Variants in MRC1 observed in about 807,000 individuals in gnomAD.
MRC1 encodes the protein mannose receptor C-type 1, also known as macrophage mannose receptor 1.
MRC1 carries 62 observed loss-of-function variants against 102.9 expected under a neutral mutation model. That is an observed-to-expected ratio of 0.60 (90% CI 0.49 to 0.74). MRC1 has a LOEUF of 0.74. Among genes scored for constraint, MRC1 ranks in the 30% least tolerant of loss-of-function variants. MRC1 has a pLI of 0.00. For synonymous variants in MRC1, 457 were observed against 298.4 expected (o/e 1.53, Z -5.48); for missense variants, 1,237 against 862.8 (o/e 1.43, Z -5.43).
intron 1 of MRC1, among the ~76,000 whole-genome samples, chr10:17,813,756 G>A (rs1222017820): frequency 6.7e-6 from 1 of 148,230 alleles, no homozygotes; most frequent in Non-Finnish European, 1.5e-5. Flanking sequence ...GGAGTGCAGT[G>A]GCATGATCAT....
intron 5 of MRC1, among the ~76,000 whole-genome samples, chr10:17,841,487 A>G (rs1392614680): frequency 6.6e-6 from 1 of 152,238 alleles, no homozygotes; most frequent in African/African-American, 2.4e-5. Flanking sequence ...AGAGTTGGGG[A>G]TGATAAAACC....
chr10:17,851,580 T>G (rs45470101), intron 7 of MRC1, among the ~76,000 whole-genome samples: 7,727 of 152,288 alleles, frequency 0.051, 235 homozygotes, highest in South Asian at 0.094. Flanking sequence ...GCTTAGGAAT[T>G]GAAGAAGCTA....
intron 26 of MRC1, among the ~76,000 whole-genome samples, chr10:17,903,392 C>CTTTTTTTTT (rs35118275): frequency 1.9e-3 from 166 of 88,852 alleles, no homozygotes; most frequent in African/African-American, 2.7e-3. Context: ...CTTTTTTTTT[C>CTTTTTTTTT]TTTTTTTTTT....
intron 8 of MRC1, among the ~76,000 whole-genome samples, chr10:17,855,536 C>G (rs1036007732): frequency 1.6e-5 from 2 of 128,986 alleles, no homozygotes; most frequent in African/African-American, 5.8e-5. Context: ...AGAGCCACTG[C>G]ACTCCAGCCT....
At chr10:17,870,438 A>G (rs1833338317) in intron 13 of MRC1, 65 bp downstream of exon 13, 2 of 779,072 alleles carry the variant, frequency 2.6e-6, no homozygotes, top group South Asian at 1.3e-5. Flanking sequence ...AGTTGAGAAA[A>G]TTTGTCTGTT....
At position 17,901,886 on chromosome 10, in the gene MRC1, A is replaced by G. The variant is rs958982036; in HGVS notation, c.3650-87A>G. On this transcript the variant is annotated intron_variant, in intron 25 of 29. Coordinates refer to ENST00000569591, the MANE Select transcript of MRC1 (RefSeq NM_002438.4). ...AGATTTTTTAAAATAATGATCAATG[A>G]TCAGTTTTTGTAGCTGCTAATGTAT... 1,370 of 776,454 alleles carry G rather than the reference A, an allele frequency of 1.8e-3. 22 individuals are homozygous for G. The highest frequency in any genetic ancestry group is 0.013 in the South Asian group (991 of 73,568). 48.1% of individuals were successfully genotyped at this position (776,454 alleles called of 1,614,324 possible). A position where few individuals can be genotyped will look rare whatever the true frequency, so the allele number is the denominator to read the frequency against.
intron 22 of MRC1, among the ~76,000 whole-genome samples, chr10:17,887,523 A>G (rs1214710117): frequency 3.9e-5 from 6 of 152,386 alleles, no homozygotes; most frequent in African/African-American, 1.4e-4. Flanking sequence ...CGAAAGTAGA[A>G]TGGAGCGAGA....
chr10:17,896,695 C>A (rs1554843441), intron 23 of MRC1, among the ~76,000 whole-genome samples: 1 of 152,116 alleles, frequency 6.6e-6, no homozygotes, highest in East Asian at 1.9e-4. Flanking sequence ...CTTTGAGAGG[C>A]TGAGGCAGGA....
rs985465794 is a variant in MRC1, at chr10:17,862,112, A to G, written c.1634+610A>G. Among the ~76,000 whole-genome samples, 45 of 152,204 alleles carry G rather than the reference A, an allele frequency of 3.0e-4. 1 individual carries two copies. The highest frequency in any genetic ancestry group is 7.2e-4 in the Admixed American group (11 of 15,278). On this transcript the variant is annotated intron_variant, in intron 10 of 29. Coordinates refer to ENST00000569591, the MANE Select transcript of MRC1 (RefSeq NM_002438.4). Reference sequence around the variant, plus strand: ...AGTTTACAAAAATGGAAAAGTATCTATTTCACTTGCAGTAAAGAAGTAACA... The same window carrying G: ...AGTTTACAAAAATGGAAAAGTATCTGTTTCACTTGCAGTAAAGAAGTAACA...
At chr10:17,871,832 G>T (rs1447921734) in intron 14 of MRC1, 150 bp from the exon 15 acceptor site, 1 of 681,618 alleles carries the variant, frequency 1.5e-6, no homozygotes, top group African/African-American at 1.8e-5. Flanking sequence ...TACTACGTTT[G>T]TGAACTGTGC....
At position 17,888,547 on chromosome 10, in the gene MRC1, A is replaced by T. The variant is rs905849708; in HGVS notation, c.3147+3112A>T. ...ATTAGTGTATTATTATTGACTTAAC[A>T]TTTTCTTTAATTTCTAGGTATTTTG... On this transcript the variant is annotated intron_variant, in intron 22 of 29. Transcript: ENST00000569591. 7.9e-5 allele frequency among the ~76,000 whole-genome samples: 12 copies of T among 152,142 alleles called. No homozygotes were observed. In the East Asian group the frequency reaches 1.9e-3, roughly 24 times the overall value.
chr10:17,909,221 T>C (rs938679341), intron 28 of MRC1, 85 bp from the exon 29 acceptor site: 25 of 750,238 alleles, frequency 3.3e-5, no homozygotes, highest in Non-Finnish European at 4.5e-5. Context: ...TGTGGAGGAT[T>C]CCATGTATTT....
chr10:17,854,863 G>C, intron 8 of MRC1: 1 of 156,734 alleles, frequency 6.4e-6, no homozygotes. Context: ...TAACTTTTTT[G>C]TATTATTAGT....
intron 26 of MRC1, among the ~76,000 whole-genome samples, chr10:17,906,127 T>G (rs1833891527): frequency 6.6e-6 from 1 of 152,116 alleles, no homozygotes; most frequent in South Asian, 2.1e-4. Context: ...TAATAACTAA[T>G]ATAGGACCAT....
chr10:17,828,931 A>G (rs1475043088), intron 3 of MRC1, among the ~76,000 whole-genome samples: 1 of 151,332 alleles, frequency 6.6e-6, no homozygotes, highest in Non-Finnish European at 1.5e-5. Flanking sequence ...GAAAAAGGAA[A>G]AGGAAGTATT....
intron 17 of MRC1, 84 bp downstream of exon 17, chr10:17,875,337 G>A: frequency 1.3e-6 from 1 of 758,394 alleles, no homozygotes; most frequent in Admixed American, 1.8e-5. Flanking sequence ...TTCTTTAGTG[G>A]TGATTTCTGA....
chr10:17,876,101 C>T (rs1833433221), intron 17 of MRC1, among the ~76,000 whole-genome samples: 1 of 152,032 alleles, frequency 6.6e-6, no homozygotes, highest in Non-Finnish European at 1.5e-5. Flanking sequence ...ACAATTGGTA[C>T]CCCCTAGTAG....
intron 11 of MRC1, among the ~76,000 whole-genome samples, chr10:17,864,650 G>A (rs1359741292): frequency 6.6e-5 from 10 of 151,884 alleles, no homozygotes; most frequent in African/African-American, 2.4e-4. Flanking sequence ...CCAACATAGG[G>A]AAACCCCATC....
rs906376259 is a variant in MRC1, at chr10:17,831,814, C to T, written c.638-1861C>T. Among the ~76,000 whole-genome samples the T allele has an allele frequency of 9.6e-4, 146 of 151,646 alleles. 11 individuals are homozygous for T. The highest frequency in any genetic ancestry group is 3.1e-3 in the African/African-American group (127 of 40,928). On this transcript the variant is annotated intron_variant, in intron 3 of 29. Transcript: ENST00000569591. The stretch of plus-strand genomic sequence containing the variant: ...AAATATTTCATTTGTTTACTAGCTT[C>T]GCAAACATCATATATGTGAAAAACT...
Sources: allele counts gnomAD v4.1 joint callset (sites outside exome capture counted in the v4.1 genomes callset), GRCh38; gene constraint gnomAD v4.1.1; transcripts MANE v1.5; gene names NCBI Gene and HGNC (gene_info 2026-07-23, HGNC 2026-07-21).